CHODL: variants seen among roughly 807,000 people sequenced by gnomAD.
CHODL encodes the protein chondrolectin.
Under a neutral mutation model 34.5 loss-of-function variants are expected in CHODL, and 29 were observed. That is an observed-to-expected ratio of 0.84 (90% confidence interval 0.63 to 1.15). The LOEUF (loss-of-function observed/expected upper bound fraction) is 1.15. CHODL is among the 50% of genes most tolerant of loss of function. The pLI is 0.00. For synonymous variants in CHODL, 125 were observed against 116.1 expected (o/e 1.08, Z -0.49); for missense variants, 332 against 332.5 (o/e 1.00, Z 0.01).
intron 2 of CHODL, among the ~76,000 whole-genome samples, chr21:18,232,840 C>T (rs1209685190): frequency 6.7e-6 from 1 of 150,250 alleles, no homozygotes; most frequent in East Asian, 2.0e-4. Context: ...TTATGCTTTA[C>T]ATTGTTTTAA....
At chr21:18,061,094 C>A (rs2064658332) in intron 2 of CHODL, among the ~76,000 whole-genome samples, 1 of 152,158 alleles carries the variant, frequency 6.6e-6, no homozygotes, top group Non-Finnish European at 1.5e-5. Context: ...GTCATTTCTT[C>A]ATTTTGGGTA....
chr21:18,021,234 C>T (rs2064125076), intron 1 of CHODL, among the ~76,000 whole-genome samples: 1 of 152,056 alleles, frequency 6.6e-6, no homozygotes, highest in Non-Finnish European at 1.5e-5. Context: ...GGAGGAAGTT[C>T]CAGTAAATGA....
chr21:18,222,262 C>T (rs149185406), intron 2 of CHODL, among the ~76,000 whole-genome samples: 4 of 152,204 alleles, frequency 2.6e-5, no homozygotes, highest in Admixed American at 6.5e-5. Flanking sequence ...TGCGTGGGCT[C>T]AGGTGCTGGT....
chr21:18,116,177 GACCAACTCTATGTCAA>G (rs1835434987), intron 2 of CHODL, among the ~76,000 whole-genome samples: 1 of 152,008 alleles, frequency 6.6e-6, no homozygotes, highest in African/African-American at 2.4e-5. Context: ...TGGCTTCAGT[GACCAACTCTATGTCAA>G]TACCTTAAGT....
At chr21:18,189,302 G>A (rs187359242) in intron 2 of CHODL, among the ~76,000 whole-genome samples, 1 of 152,138 alleles carries the variant, frequency 6.6e-6, no homozygotes, top group East Asian at 1.9e-4. Context: ...CTTAACCAGG[G>A]TCTCCAAGAA....
chr21:18,227,108 G>A (rs908567736), intron 2 of CHODL, among the ~76,000 whole-genome samples: 5 of 152,090 alleles, frequency 3.3e-5, no homozygotes, highest in African/African-American at 1.2e-4. Context: ...TCACATAGTG[G>A]AAGGGGCAAG....
At chr21:18,242,658 C>T (rs555156040), upstream of CHODL, among the ~76,000 whole-genome samples, 7 of 152,176 alleles carry the variant, frequency 4.6e-5, no homozygotes, top group Non-Finnish European at 8.8e-5. Context: ...AATTTATTTT[C>T]CTGATAAGTC....
Position 18,246,600 on chromosome 21 carries a change from A to G in CHODL, c.79+1298A>G, listed in dbSNP as rs183511299. ...TAGCTGCAAAGAAAAAATTCATTAT[A>G]TAGACTCATCTGATTTTGTGAATTA... On this transcript the variant is annotated intron_variant, in intron 1 of 5. Transcript: ENST00000299295. Among the ~76,000 whole-genome samples the G allele has an allele frequency of 8.1e-4, 123 of 152,300 alleles. 1 individual carries two copies. The highest frequency in any genetic ancestry group is 2.9e-3 in the African/African-American group (120 of 41,552).
intron 2 of CHODL, among the ~76,000 whole-genome samples, chr21:18,057,725 G>A (rs913048818): frequency 1.3e-5 from 2 of 151,384 alleles, no homozygotes; most frequent in African/African-American, 2.4e-5. Context: ...AAAGTCTGCC[G>A]CTGTATCTCT....
rs562110633 is a variant in CHODL, at chr21:18,157,123, C to T, written c.-44-99386C>T. ...TTCTGTTGATTACAGGCGAGTCACACACCTGCTTACATGCACAGGGACTGT... is the reference window on the plus strand; with the variant it reads ...TTCTGTTGATTACAGGCGAGTCACATACCTGCTTACATGCACAGGGACTGT... On this transcript the variant is annotated intron_variant, in intron 2 of 6. Coordinates refer to the CHODL transcript ENST00000400127. 7.9e-5 allele frequency among the ~76,000 whole-genome samples: 12 copies of T among 152,342 alleles called. No homozygotes were observed. In the South Asian group the frequency reaches 2.3e-3, roughly 29 times the overall value.
chr21:18,139,866 G>A (rs1454583408), intron 2 of CHODL, among the ~76,000 whole-genome samples: 1 of 152,132 alleles, frequency 6.6e-6, no homozygotes, highest in Non-Finnish European at 1.5e-5. Flanking sequence ...AGGGAGAAAG[G>A]TGGGAATGGG....
At chr21:18,035,532 C>T (rs923721222) in intron 2 of CHODL, among the ~76,000 whole-genome samples, 1 of 151,956 alleles carries the variant, frequency 6.6e-6, no homozygotes, top group African/African-American at 2.4e-5. Flanking sequence ...ACTATTTCTT[C>T]AAACAGTTTT....
chr21:18,266,027 A>G lies in CHODL; in HGVS notation c.811A>G (p.Met271Val), dbSNP rs2074457020. Reference sequence around the variant, plus strand: ...AAAGAGTACCAGAAAAGAAAGTGGCATGGAAGTATAATAACTCATTGACTT... The same window carrying G: ...AAAGAGTACCAGAAAAGAAAGTGGCGTGGAAGTATAATAACTCATTGACTT... ...ISKSTRKESGMEV is the reference protein window; with the variant it reads ...ISKSTRKESGVEV The change falls in exon 6 of 6, where the codon ATG becomes GTG. Residue 271 changes from methionine to valine, a missense_variant. Transcript: ENST00000299295. The G allele has an allele frequency of 6.2e-7, 1 of 1,613,664 alleles. No homozygotes were observed. Among genetic ancestry groups the G allele is most frequent in the Non-Finnish European group, 8.5e-7 (1 of 1,179,652 alleles).
At chr21:18,182,784 T>A (rs1331763415) in intron 2 of CHODL, among the ~76,000 whole-genome samples, 5 of 152,130 alleles carry the variant, frequency 3.3e-5, no homozygotes, top group African/African-American at 9.7e-5. Context: ...TCTTATTTTT[T>A]AAAAAAATAC....
rs2064181012 is a variant in CHODL at position 18,026,856 on chromosome 21, A to G, written c.-144-1016A>G. ...AGTTTGTAGACAAAGGTTAAACACAATCTTTACTTTTTTTTGACATATTTC... is the reference window on the plus strand; with the variant it reads ...AGTTTGTAGACAAAGGTTAAACACAGTCTTTACTTTTTTTTGACATATTTC... On this transcript the variant is annotated intron_variant, in intron 1 of 6. Transcript: ENST00000400127. Among the ~76,000 whole-genome samples the G allele has an allele frequency of 2.0e-5, 3 of 152,308 alleles. No homozygotes were observed. In the South Asian group the frequency reaches 6.2e-4, roughly 32 times the overall value.
chr21:17,957,934 T>C (rs1368004516), intron 1 of CHODL, among the ~76,000 whole-genome samples: 1 of 151,878 alleles, frequency 6.6e-6, no homozygotes, highest in Non-Finnish European at 1.5e-5. Flanking sequence ...CAAAAAATAT[T>C]GATTTAAACT....
At chr21:18,124,991 T>C (rs767915209) in intron 2 of CHODL, among the ~76,000 whole-genome samples, 1 of 152,226 alleles carries the variant, frequency 6.6e-6, no homozygotes, top group Non-Finnish European at 1.5e-5. Flanking sequence ...AATCCAGGTC[T>C]AGGATCTCAA....
chr21:17,956,884 A>C (rs1239654001), intron 1 of CHODL, among the ~76,000 whole-genome samples: 1 of 148,542 alleles, frequency 6.7e-6, no homozygotes, highest in Non-Finnish European at 1.5e-5. Context: ...CTGGGCCACT[A>C]GATATTCAGA....
rs1446265209 is a variant in CHODL at position 18,129,575 on chromosome 21, A to G, written c.-45+101604A>G. 2.6e-5 allele frequency among the ~76,000 whole-genome samples: 4 copies of G among 152,194 alleles called. No homozygotes were observed. The East Asian group carries it at 7.7e-4, about 29-fold the overall frequency. On this transcript the variant is annotated intron_variant, in intron 2 of 6. Transcript: ENST00000400127. ...TTCTTCAAAACATTAGTATCTTTGT[A>G]GTAGGGCTTTGAGAATTAGGGTTGA... is the stretch of plus-strand genomic sequence containing the variant.
Sources: gnomAD v4.1 joint callset for allele counts (sites outside exome capture counted in the v4.1 genomes callset) on GRCh38, gnomAD v4.1.1 for gene constraint, MANE v1.5 for transcripts, NCBI Gene and HGNC (gene_info 2026-07-23, HGNC 2026-07-21) for gene names.